Variants in PHACTR4 observed in about 807,000 individuals in gnomAD.
PHACTR4 encodes protein phosphatase 1, regulatory subunit 124.
In PHACTR4, 51 loss-of-function variants were observed where a neutral mutation model predicts 72.7. The observed-to-expected ratio is 0.70, with a 90% CI of 0.56 to 0.89. PHACTR4 has a LOEUF of 0.89. PHACTR4 is among the 40% of genes least tolerant of loss of function. The pLI is 0.00. For synonymous variants in PHACTR4, 255 were observed against 302.5 expected (o/e 0.84, Z 1.63); for missense variants, 731 against 861.8 (o/e 0.85, Z 1.90).
At position 28,419,326 on chromosome 1, in the gene PHACTR4, G is replaced by C. The variant is rs1483303823; in HGVS notation, c.16+11863G>C. On this transcript the variant is annotated intron_variant, in intron 2 of 13. Coordinates refer to ENST00000373839, the MANE Select transcript of PHACTR4 (RefSeq NM_001048183.3). ...GATATGTCAAATCTATAAATATATT[G>C]AAAGAATATGACCCAAGAGGATTTA... Among the ~76,000 whole-genome samples, 3 of 151,736 alleles carry C rather than the reference G, an allele frequency of 2.0e-5. No homozygotes were observed. The East Asian group carries it at 5.8e-4, about 29-fold the overall frequency.
At chr1:28,437,227 AT>A (rs1656693263) in intron 2 of PHACTR4, among the ~76,000 whole-genome samples, 1 of 151,854 alleles carries the variant, frequency 6.6e-6, no homozygotes, top group Non-Finnish European at 1.5e-5. Context: ...TCTTTCTTTT[AT>A]TTTTATTTAT....
chr1:28,411,619 G>A (rs533393738), intron 2 of PHACTR4, among the ~76,000 whole-genome samples: 1 of 152,286 alleles, frequency 6.6e-6, no homozygotes, highest in Admixed American at 6.5e-5. Context: ...TTTTGGTGGA[G>A]TGAGAATTTT....
chr1:28,425,858 C>A (rs1655804141), intron 2 of PHACTR4, among the ~76,000 whole-genome samples: 1 of 152,188 alleles, frequency 6.6e-6, no homozygotes, highest in Non-Finnish European at 1.5e-5. Context: ...TGTTTCAAAC[C>A]TCTGTGATGT....
chr1:28,452,976 G>A (rs1658086768), intron 2 of PHACTR4, among the ~76,000 whole-genome samples: 1 of 151,934 alleles, frequency 6.6e-6, no homozygotes, highest in Admixed American at 6.6e-5. Context: ...AAAGTTAGCC[G>A]GGTGTGGTTT....
Position 28,476,228 on chromosome 1 carries a change from G to A in PHACTR4, c.1543G>A (p.Asp515Asn), listed in dbSNP as rs765480114. Residue 515 changes from aspartate (D) to asparagine (N), a missense_variant, in exon 8 of 14, where the codon GAC becomes AAC. Asp to Asn is a conservative substitution (Grantham distance 23). This residue lies in a region of PHACTR4 where 621 missense variants were observed against 676.6 expected (regional missense o/e 0.92). Coordinates refer to ENST00000373839, the MANE Select transcript of PHACTR4 (RefSeq NM_001048183.3). ...CLREEEEKES[D>N]SDSEGPIQYR... ...ACGGGAGGAAGAAGAGAAGGAGAGC[G>A]ACTCTGATTCAGAAGGTCCCATTCA... The A allele has an allele frequency of 6.2e-6, 10 of 1,613,714 alleles. No individual in the cohort carries two copies. The East Asian group carries it at 1.6e-4, about 25-fold the overall frequency.
chr1:28,418,480 C>CAAAAACA (rs1655265878), intron 2 of PHACTR4, among the ~76,000 whole-genome samples: 1 of 151,748 alleles, frequency 6.6e-6, no homozygotes, highest in African/African-American at 2.4e-5. Flanking sequence ...GACTCCATCT[C>CAAAAACA]AAAAACAAAA....
At chr1:28,441,088 C>T (rs1164638501) in intron 2 of PHACTR4, among the ~76,000 whole-genome samples, 1 of 151,866 alleles carries the variant, frequency 6.6e-6, no homozygotes, top group Non-Finnish European at 1.5e-5. Flanking sequence ...ACATAGAGGC[C>T]CCTATGTAGA....
chr1:28,456,955 ATTCTAGTGTAT>A (rs1658436175), intron 2 of PHACTR4, among the ~76,000 whole-genome samples: 2 of 151,848 alleles, frequency 1.3e-5, no homozygotes, highest in Non-Finnish European at 2.9e-5. Flanking sequence ...AGATAATCAG[ATTCTAGTGTAT>A]TTCATGTAAA....
At position 28,497,670 on chromosome 1, in the gene PHACTR4, C is replaced by G. The variant is rs1458865706; in HGVS notation, c.*1121C>G. 1 of 149,868 alleles carries G rather than the reference C, an allele frequency of 6.7e-6. No homozygotes were observed. Among genetic ancestry groups the G allele is most frequent in the Non-Finnish European group, 1.5e-5 (1 of 67,688 alleles). The allele number at this position is 149,868 out of a possible 1,614,324, so 9.3% of individuals were successfully genotyped here. A position where few individuals can be genotyped will look rare whatever the true frequency, so the allele number is the denominator to read the frequency against. On this transcript the variant is annotated 3_prime_UTR_variant, in exon 14 of 14. Coordinates refer to ENST00000373839, the MANE Select transcript of PHACTR4 (RefSeq NM_001048183.3). ...GTGTACTTTCATTTTCAATAAATCC[C>G]CTTATTCCTTCCTTGCAAAAAAAAA...
intron 2 of PHACTR4, among the ~76,000 whole-genome samples, chr1:28,447,156 C>T (rs1240263807): frequency 6.6e-6 from 1 of 151,520 alleles, no homozygotes; most frequent in Non-Finnish European, 1.5e-5. Flanking sequence ...GGACTACAGG[C>T]GCGTGCCACC....
At chr1:28,438,197 C>T in intron 2 of PHACTR4, 1 of 1,322,736 alleles carries the variant, frequency 7.6e-7, no homozygotes, top group East Asian at 3.1e-5. Context: ...GTAAGAACTG[C>T]AAGTGCTCAG....
At position 28,466,506 on chromosome 1, in the gene PHACTR4, GGAT is replaced by G. The variant is rs1659176585; in HGVS notation, c.563_565del (p.Asp188del). 1 of 1,613,932 alleles carries G rather than the reference GGAT, an allele frequency of 6.2e-7. No homozygotes were observed. The highest frequency in any genetic ancestry group is 1.3e-5 in the African/African-American group (1 of 74,876). On this transcript the variant is annotated inframe_deletion, in exon 6 of 14. Transcript: ENST00000373839. ...ATGAAGCAAGTGAAGGGCAAGCAAA[GGAT>G]GCCACTTCCTCTGGCGGCACGGCAA...
chr1:28,442,970 A>G (rs1657149865), intron 2 of PHACTR4, among the ~76,000 whole-genome samples: 1 of 152,114 alleles, frequency 6.6e-6, no homozygotes, highest in African/African-American at 2.4e-5. Flanking sequence ...ATTTGAAACT[A>G]CATATTATTA....
intron 2 of PHACTR4, among the ~76,000 whole-genome samples, chr1:28,427,575 A>T (rs1655952926): frequency 6.6e-6 from 1 of 152,216 alleles, no homozygotes; most frequent in South Asian, 2.1e-4. Context: ...AAGAAGACAG[A>T]GGAAGTTAAT....
At chr1:28,404,157 C>T (rs1486506111) in intron 1 of PHACTR4, among the ~76,000 whole-genome samples, 1 of 151,982 alleles carries the variant, frequency 6.6e-6, no homozygotes, top group Non-Finnish European at 1.5e-5. Context: ...ACCATGTTGG[C>T]TAGGCTTGTC....
At chr1:28,482,898 C>T (rs2124529081) in intron 9 of PHACTR4, among the ~76,000 whole-genome samples, 1 of 150,642 alleles carries the variant, frequency 6.6e-6, no homozygotes, top group East Asian at 1.9e-4. Context: ...GTAATTGCAC[C>T]ACTGCACTCC....
intron 1 of PHACTR4, among the ~76,000 whole-genome samples, chr1:28,387,785 T>C (rs2124176378): frequency 1.3e-5 from 2 of 151,990 alleles, no homozygotes; most frequent in African/African-American, 4.8e-5. Flanking sequence ...TGGAGTGCAA[T>C]GGCACGATCT....
intron 13 of PHACTR4, among the ~76,000 whole-genome samples, chr1:28,494,638 C>T (rs1422519313): frequency 6.6e-6 from 1 of 152,148 alleles, no homozygotes; most frequent in Non-Finnish European, 1.5e-5. Flanking sequence ...GGCAACAGAG[C>T]AAGACTGTCT....
intron 8 of PHACTR4, among the ~76,000 whole-genome samples, chr1:28,479,875 A>G (rs1381045952): frequency 6.6e-6 from 1 of 152,216 alleles, no homozygotes; most frequent in Non-Finnish European, 1.5e-5. Flanking sequence ...CCTGGGCAAC[A>G]AGAGCAAAAG....
Sources: allele counts gnomAD v4.1 joint callset (sites outside exome capture counted in the v4.1 genomes callset), GRCh38; gene constraint gnomAD v4.1.1; regional missense constraint gnomAD v4.1.1; transcripts MANE v1.5; gene names NCBI Gene and HGNC (gene_info 2026-07-23, HGNC 2026-07-21).